SNAI1: variants seen among roughly 807,000 people sequenced by gnomAD.
The protein encoded by SNAI1 is snail family transcriptional repressor 1.
Under a neutral mutation model 24.7 loss-of-function variants are expected in SNAI1, and 15 were observed. The ratio of observed to expected loss-of-function variants is 0.61; its 90% CI spans 0.41 to 0.93. SNAI1 has a LOEUF of 0.93. Among genes scored for constraint, SNAI1 ranks in the 40% least tolerant of loss-of-function variants. The pLI is 0.00. For missense variants in SNAI1, 283 were observed against 336.7 expected (o/e 0.84, Z 1.25); for synonymous variants, 163 against 142.9 (o/e 1.14, Z -1.00).
At chr20:49,987,081 T>G (rs2078336144) in intron 2 of SNAI1, among the ~76,000 whole-genome samples, 1 of 152,160 alleles carries the variant, frequency 6.6e-6, no homozygotes, top group Non-Finnish European at 1.5e-5. Context: ...CGTAGCCTCT[T>G]GGGTGATAGA....
At chr20:49,987,819 C>A in intron 2 of SNAI1, 53 bp from the exon 3 acceptor site, 1 of 1,541,260 alleles carries the variant, frequency 6.5e-7, no homozygotes, top group Non-Finnish European at 9.0e-7. Context: ...ATTCCCATCA[C>A]TGCCAGCCGT....
chr20:49,983,268 C>A (rs2078322610), intron 1 of SNAI1, 127 bp downstream of exon 1: 4 of 762,894 alleles, frequency 5.2e-6, no homozygotes, highest in Non-Finnish European at 9.0e-6. Context: ...TGGACCATTG[C>A]GGGCTCGGGA....
chr20:49,986,944 T>A (rs1309638274), intron 2 of SNAI1, among the ~76,000 whole-genome samples: 1 of 152,234 alleles, frequency 6.6e-6, no homozygotes, highest in Non-Finnish European at 1.5e-5. Flanking sequence ...GCCTCTTTAA[T>A]TTTTAAAACA....
rs767925268 is a variant in SNAI1 at position 49,983,844 on chromosome 20, T to C, written c.103T>C (p.Tyr35His). ...CTCAGAGTTTACCTTCCAGCAGCCC[T>C]ACGACCAGGCCCACCTGCTGGCAGC... ...SNPEFTFQQPYDQAHLLAAIP... is the reference protein window; with the variant it reads ...SNPEFTFQQPHDQAHLLAAIP... The change falls in exon 2 of 3, where the codon TAC (tyrosine) becomes CAC (histidine). Residue 35 changes from tyrosine (Y) to histidine (H), a missense_variant. Tyr to His is a moderately conservative substitution (Grantham distance 83). Transcript: ENST00000244050. The C allele has an allele frequency of 6.2e-7, 1 of 1,604,744 alleles. No homozygotes were observed. The highest frequency in any genetic ancestry group is 2.2e-5 in the East Asian group (1 of 44,748).
At chr20:49,984,828 T>G (rs2078328976) in intron 2 of SNAI1, among the ~76,000 whole-genome samples, 1 of 152,242 alleles carries the variant, frequency 6.6e-6, no homozygotes, top group Non-Finnish European at 1.5e-5. Context: ...GAACAGCTTT[T>G]GGGGTTTCTA....
intron 2 of SNAI1, 83 bp downstream of exon 2, chr20:49,984,434 C>G (rs2078327749): frequency 7.5e-7 from 1 of 1,333,358 alleles, no homozygotes; most frequent in East Asian, 2.5e-5. Flanking sequence ...ATTCCCAAAG[C>G]TGTGGACACT....
chr20:49,983,642 GAGACTC>G (rs2078323838), intron 1 of SNAI1, among the ~76,000 whole-genome samples, 176 bp from the exon 2 acceptor site: 1 of 152,026 alleles, frequency 6.6e-6, no homozygotes, highest in African/African-American at 2.4e-5. Context: ...CTACGTGTGA[GAGACTC>G]AGATTGGGTG....
chr20:49,985,822 G>A (rs1370842073), intron 2 of SNAI1, among the ~76,000 whole-genome samples: 1 of 152,188 alleles, frequency 6.6e-6, no homozygotes, highest in African/African-American at 2.4e-5. Context: ...CCCCCTCGGC[G>A]CCCTTTGTCC....
intron 2 of SNAI1, among the ~76,000 whole-genome samples, chr20:49,987,213 T>G: frequency 6.8e-6 from 1 of 146,756 alleles, no homozygotes; most frequent in Non-Finnish European, 1.5e-5. Context: ...GGAGGTGGGG[T>G]GGTGAGGAAA....
chr20:49,987,242 C>A (rs887330689), intron 2 of SNAI1, among the ~76,000 whole-genome samples: 3 of 152,018 alleles, frequency 2.0e-5, no homozygotes, highest in African/African-American at 7.2e-5. Context: ...CTGGCCGGGC[C>A]CCAGGAGTGG....
rs1439301636 is a variant in SNAI1, at chr20:49,983,966, CT to C, written c.226del (p.Ser76ProfsTer13). The C allele has an allele frequency of 6.2e-7, 1 of 1,613,618 alleles. No individual in the cohort carries two copies. The highest frequency in any genetic ancestry group is 1.7e-5 in the Admixed American group (1 of 60,004). On this transcript the variant is annotated frameshift_variant, in exon 2 of 3. Coordinates refer to ENST00000244050, the MANE Select transcript of SNAI1 (RefSeq NM_005985.4). LOFTEE classifies it high-confidence loss of function. Reference protein sequence around the residue: ...APQAQPIAWASLRLQESPRVA... With the variant: ...APQAQPIAWAXLRLQESPRVA... ...CCCAAGCCCAGCCAATTGCCTGGGC[CT>C]CCCTTCGGCTCCAGGAGAGTCCCAG...
intron 2 of SNAI1, among the ~76,000 whole-genome samples, chr20:49,986,031 A>G (rs2078332946): frequency 6.6e-6 from 1 of 151,896 alleles, no homozygotes; most frequent in South Asian, 2.1e-4. Context: ...ACTGTACAGG[A>G]GGGTAGTGCT....
Position 49,984,122 on chromosome 20 carries a change from TGCCTTCCCA to T in SNAI1, c.383_391del (p.Ala128_Pro130del). On this transcript the variant is annotated inframe_deletion, in exon 2 of 3. Coordinates refer to ENST00000244050, the MANE Select transcript of SNAI1 (RefSeq NM_005985.4). Reference sequence around the variant, plus strand: ...CTTCCTTGGAGGCCGAGGCCTATGCTGCCTTCCCAGGCTTGGGCCAAGTGCCCAAGCAGC... The same window carrying T: ...CTTCCTTGGAGGCCGAGGCCTATGCTGGCTTGGGCCAAGTGCCCAAGCAGC... 2 of 1,614,214 alleles carry T rather than the reference TGCCTTCCCA, an allele frequency of 1.2e-6. No homozygotes were observed. Among genetic ancestry groups the T allele is most frequent in the Non-Finnish European group, 1.7e-6 (2 of 1,180,024 alleles).
Position 49,983,852 on chromosome 20 carries a change from G to A in SNAI1, c.111G>A (p.Gln37=). 1 of 1,608,774 alleles carries A rather than the reference G, an allele frequency of 6.2e-7. No homozygotes were observed. ...PEFTFQQPYD[Q]AHLLAAIPPP... is the part of the protein sequence containing the mutation. Reference sequence around the variant, plus strand: ...TTACCTTCCAGCAGCCCTACGACCAGGCCCACCTGCTGGCAGCCATCCCAC... The same window carrying A: ...TTACCTTCCAGCAGCCCTACGACCAAGCCCACCTGCTGGCAGCCATCCCAC... Residue 37 remains glutamine (Q), a synonymous_variant, in exon 2 of 3, where the codon CAG becomes CAA. Transcript: ENST00000244050.
chr20:49,983,741 C>A, intron 1 of SNAI1, 83 bp from the exon 2 acceptor site: 1 of 1,362,894 alleles, frequency 7.3e-7, no homozygotes, highest in Non-Finnish European at 9.9e-7. Context: ...CGGCCCCACC[C>A]AGCCCCTGGC....
At chr20:49,983,712 C>T in intron 1 of SNAI1, 112 bp from the exon 2 acceptor site, 2 of 1,072,624 alleles carry the variant, frequency 1.9e-6, no homozygotes, top group Non-Finnish European at 2.7e-6. Context: ...TTTTTTTGAT[C>T]TAATTATGTA....
At position 49,983,930 on chromosome 20, in the gene SNAI1, T is replaced by C; in HGVS notation, c.189T>C (p.Ser63=). The C allele has an allele frequency of 6.2e-7, 1 of 1,613,510 alleles. No homozygotes were observed. The highest frequency in any genetic ancestry group is 8.5e-7 in the Non-Finnish European group (1 of 1,180,002). The change falls in exon 2 of 3, where the codon TCT becomes TCC. Residue 63 remains serine, a synonymous_variant. Coordinates refer to ENST00000244050, the MANE Select transcript of SNAI1 (RefSeq NM_005985.4). ...CGCTGCCAATGCTCATCTGGGACTC[T>C]GTCCTGGCGCCCCAAGCCCAGCCAA... ...TASLPMLIWD[S]VLAPQAQPIA...
rs765800408 is a variant in SNAI1, at chr20:49,984,154, A to C, written c.413A>C (p.Gln138Pro). The C allele has an allele frequency of 1.9e-6, 3 of 1,614,232 alleles. No individual in the cohort carries two copies. Among genetic ancestry groups the C allele is most frequent in the Non-Finnish European group, 1.7e-6 (2 of 1,180,034 alleles). ...AFPGLGQVPK[Q>P]LAQLSEAKDL... is the part of the protein sequence containing the mutation. ...CCAGGCTTGGGCCAAGTGCCCAAGC[A>C]GCTGGCCCAGCTCTCTGAGGCCAAG... Residue 138 changes from glutamine (Q) to proline (P), a missense_variant, in exon 2 of 3, where the codon CAG (glutamine) becomes CCG (proline). Gln to Pro is a moderately conservative substitution (Grantham distance 76). Coordinates refer to ENST00000244050, the MANE Select transcript of SNAI1 (RefSeq NM_005985.4).
rs1234616437 is a variant in SNAI1, at chr20:49,987,884, TCTC to T, written c.626_628del (p.Ser209del). ...GTTCTCTCCCCAGGCGAGAAGCCCT[TCTC>T]CTGTCCCCACTGCAGCCGTGCCTTC... On this transcript the variant is annotated inframe_deletion, in exon 3 of 3. Transcript: ENST00000244050. 1 of 1,613,962 alleles carries T rather than the reference TCTC, an allele frequency of 6.2e-7. No individual in the cohort carries two copies. The highest frequency in any genetic ancestry group is 8.5e-7 in the Non-Finnish European group (1 of 1,179,958).
Sources: gnomAD v4.1 joint callset for allele counts (sites outside exome capture counted in the v4.1 genomes callset) on GRCh38, gnomAD v4.1.1 for gene constraint, MANE v1.5 for transcripts, NCBI Gene and HGNC (gene_info 2026-07-23, HGNC 2026-07-21) for gene names.